Variants in THOC7 observed in about 807,000 individuals in gnomAD.
The protein encoded by THOC7 is NIF3L1-binding protein 1.
In THOC7, 22 loss-of-function variants were observed where a neutral mutation model predicts 33.1. That is an observed-to-expected ratio of 0.66 (90% confidence interval 0.47 to 0.95). The LOEUF is 0.95. Among genes scored for constraint, THOC7 ranks in the 40% least tolerant of loss-of-function variants. The pLI, the probability that THOC7 is intolerant of heterozygous loss-of-function variation, is 0.00. For missense variants in THOC7, 184 were observed against 245.3 expected (o/e 0.75, Z 1.67); for synonymous variants, 77 against 76.8 (o/e 1.00, Z -0.01).
intron 1 of THOC7, among the ~76,000 whole-genome samples, chr3:63,847,268 C>A (rs991960620): frequency 6.6e-6 from 1 of 152,052 alleles, no homozygotes; most frequent in Admixed American, 6.6e-5. Flanking sequence ...GAAAAATAAC[C>A]AAATTTCCTT....
At position 63,834,188 on chromosome 3, in the gene THOC7, G is replaced by A. The variant is rs780301987; in HGVS notation, c.559C>T (p.Leu187Phe). The A allele has an allele frequency of 6.2e-7, 1 of 1,613,970 alleles. No individual in the cohort carries two copies. Among genetic ancestry groups the A allele is most frequent in the African/African-American group, 1.3e-5 (1 of 75,016 alleles). ...LQQTLENDEK[L>F]SEVEEAQEAS... is the part of the protein sequence containing the mutation. ...TCCTGAGCTTCTTCTACCTCTGAGA[G>A]TTTTTCATCATCTGTAATTGAGAAG... The change falls in exon 8 of 8, where the codon CTC becomes TTC. Residue 187 changes from leucine to phenylalanine, a missense_variant. Coordinates refer to ENST00000295899, the MANE Select transcript of THOC7 (RefSeq NM_025075.4).
rs552902447 is a variant in THOC7, at chr3:63,863,683, T to C, written c.19+89A>G. 5.3e-4 allele frequency: 650 copies of C among 1,229,686 alleles called. 4 individuals are homozygous for C. The African/African-American group carries it at 9.3e-3, about 18-fold the overall frequency. The allele number at this position is 1,229,686 out of a possible 1,614,324, so 76.2% of individuals were successfully genotyped here. On this transcript the variant is annotated intron_variant, in intron 1 of 7. Coordinates refer to ENST00000295899, the MANE Select transcript of THOC7 (RefSeq NM_025075.4). Reference sequence around the variant, plus strand: ...CGAAGAGGCCGGGGAGGCCGAGGGGTTCCCGGAAGCGGGCCGGGAGGCCAG... The same window carrying C: ...CGAAGAGGCCGGGGAGGCCGAGGGGCTCCCGGAAGCGGGCCGGGAGGCCAG...
chr3:63,852,298 A>G (rs1181405895), intron 1 of THOC7, among the ~76,000 whole-genome samples: 2 of 152,242 alleles, frequency 1.3e-5, no homozygotes, highest in Non-Finnish European at 2.9e-5. Flanking sequence ...TGAGCAGTAT[A>G]GATACCCTGG....
intron 1 of THOC7, among the ~76,000 whole-genome samples, chr3:63,852,018 C>G (rs1702028696): frequency 6.6e-6 from 1 of 152,180 alleles, no homozygotes; most frequent in Admixed American, 6.5e-5. Context: ...TACCTTGGGT[C>G]TCTGCTCCCT....
chr3:63,863,782 G>T lies in THOC7; in HGVS notation c.9C>A (p.Ala3=). MG[A]VTDDEVIRKR... is the part of the protein sequence containing the mutation. Reference sequence around the variant, plus strand: ...CGAGCGGGGCCTCACCGTCAGTCACGGCTCCCATGGCGTGCGCGGCGGCGG... The same window carrying T: ...CGAGCGGGGCCTCACCGTCAGTCACTGCTCCCATGGCGTGCGCGGCGGCGG... The change falls in exon 1 of 8, where the codon GCC becomes GCA. Residue 3 remains alanine (A), a synonymous_variant. Coordinates refer to ENST00000295899, the MANE Select transcript of THOC7 (RefSeq NM_025075.4). 1 of 1,251,838 alleles carries T rather than the reference G, an allele frequency of 8.0e-7. No individual in the cohort carries two copies. Among genetic ancestry groups the T allele is most frequent in the Non-Finnish European group, 9.9e-7 (1 of 1,006,420 alleles). 77.5% of individuals were successfully genotyped at this position (1,251,838 alleles called of 1,614,324 possible).
chr3:63,837,362 A>G (rs1226274549), intron 4 of THOC7, among the ~76,000 whole-genome samples: 1 of 151,952 alleles, frequency 6.6e-6, no homozygotes, highest in Non-Finnish European at 1.5e-5. Context: ...CTTTTCTTCA[A>G]TTTACATTAT....
chr3:63,853,168 A>C (rs557484624), intron 1 of THOC7, among the ~76,000 whole-genome samples: 1 of 151,682 alleles, frequency 6.6e-6, no homozygotes, highest in African/African-American at 2.4e-5. Context: ...AAAAAAAAAA[A>C]AAAAAAAAGA....
intron 2 of THOC7, 131 bp from the exon 3 acceptor site, chr3:63,838,630 T>G: frequency 1.1e-6 from 1 of 876,032 alleles, no homozygotes; most frequent in Non-Finnish European, 1.7e-6. Context: ...TATTTAAAAT[T>G]TAGAATATCT....
chr3:63,863,724 C>T (rs1213942443), intron 1 of THOC7, 48 bp downstream of exon 1: 2 of 1,248,806 alleles, frequency 1.6e-6, no homozygotes, highest in Non-Finnish European at 2.0e-6. Flanking sequence ...TCAGGGGAGG[C>T]CCAGCGGGCC....
intron 4 of THOC7, among the ~76,000 whole-genome samples, chr3:63,837,334 T>C (rs370213183): frequency 9.6e-6 from 1 of 103,786 alleles, no homozygotes; most frequent in African/African-American, 2.6e-5. Context: ...TGATTACACA[T>C]TATATTTTTT....
intron 1 of THOC7, among the ~76,000 whole-genome samples, chr3:63,843,146 T>C (rs1056132867): frequency 6.7e-6 from 1 of 149,780 alleles, no homozygotes; most frequent in Admixed American, 6.7e-5. Flanking sequence ...GGAGACAGAG[T>C]CTCACTCTTT....
At chr3:63,850,744 G>A (rs1343999040) in intron 1 of THOC7, among the ~76,000 whole-genome samples, 6 of 151,536 alleles carry the variant, frequency 4.0e-5, no homozygotes, top group African/African-American at 1.2e-4. Context: ...CTACCACCAC[G>A]CCCAGCTAAA....
chr3:63,861,198 G>T (rs937633100), intron 1 of THOC7, among the ~76,000 whole-genome samples: 11 of 152,154 alleles, frequency 7.2e-5, no homozygotes, highest in African/African-American at 2.7e-4. Context: ...GTCTGTAAGT[G>T]GCAGGGTAGA....
At chr3:63,839,842 C>T (rs966115133) in intron 1 of THOC7, 69 bp from the exon 2 acceptor site, 5 of 1,269,378 alleles carry the variant, frequency 3.9e-6, no homozygotes, top group Non-Finnish European at 4.5e-6. Flanking sequence ...ACCAGTATCA[C>T]TGTTCATTTG....
intron 1 of THOC7, among the ~76,000 whole-genome samples, chr3:63,841,396 G>A (rs758409858): frequency 7.9e-5 from 12 of 152,112 alleles, no homozygotes; most frequent in Non-Finnish European, 1.2e-4. Context: ...TTTATAGTAC[G>A]CAGTAATTAT....
chr3:63,834,156 G>A lies in THOC7; in HGVS notation c.591C>T (p.Ser197=). ...LSEVEEAQEA[S]METDPKP is the part of the protein sequence containing the mutation. ...TCTATGGCTTAGGATCTGTTTCCAT[G>A]CTTGCTTCCTGAGCTTCTTCTACCT... is the stretch of plus-strand genomic sequence containing the variant. The change falls in exon 8 of 8, where the codon AGC becomes AGT. Residue 197 remains serine, a synonymous_variant. Coordinates refer to ENST00000295899, the MANE Select transcript of THOC7 (RefSeq NM_025075.4). The A allele has an allele frequency of 3.1e-6, 5 of 1,614,042 alleles. No individual in the cohort carries two copies. The highest frequency in any genetic ancestry group is 4.2e-6 in the Non-Finnish European group (5 of 1,179,994).
At chr3:63,862,822 A>G (rs1347735612) in intron 1 of THOC7, among the ~76,000 whole-genome samples, 3 of 151,904 alleles carry the variant, frequency 2.0e-5, no homozygotes, top group Non-Finnish European at 4.4e-5. Context: ...CTAACCAGAT[A>G]CCTTGTAGGT....
intron 1 of THOC7, among the ~76,000 whole-genome samples, chr3:63,861,233 G>C (rs550979915): frequency 6.6e-6 from 1 of 151,818 alleles, no homozygotes; most frequent in Non-Finnish European, 1.5e-5. Context: ...TTAAGGATGT[G>C]GGGGGGCACT....
chr3:63,854,575 T>G (rs1272624536), intron 1 of THOC7: 1 of 152,214 alleles, frequency 6.6e-6, no homozygotes, highest in Non-Finnish European at 1.5e-5. Flanking sequence ...GAACATCATC[T>G]GGAAAGAGTT....
Sources: allele counts gnomAD v4.1 joint callset (sites outside exome capture counted in the v4.1 genomes callset), GRCh38; gene constraint gnomAD v4.1.1; transcripts MANE v1.5; gene names NCBI Gene and HGNC (gene_info 2026-07-23, HGNC 2026-07-21).